Variants in BRINP3 observed in about 807,000 individuals in gnomAD.
BRINP3 encodes the protein BMP/retinoic acid inducible neural specific 3, also known as BMP/retinoic acid-inducible neural-specific protein 3.
Under a neutral mutation model 71.0 loss-of-function variants are expected in BRINP3, and 19 were observed. The observed-to-expected ratio is 0.27, with a 90% CI of 0.19 to 0.39. The LOEUF is 0.39. BRINP3 is among the 10% of genes least tolerant of loss of function. The pLI, the probability that BRINP3 is intolerant of heterozygous loss-of-function variation, is 1.00. For synonymous variants in BRINP3, 380 were observed against 337.7 expected (o/e 1.13, Z -1.37); for missense variants, 959 against 940.8 (o/e 1.02, Z -0.25).
At chr1:190,236,761 A>T (rs949316038) in intron 4 of BRINP3, among the ~76,000 whole-genome samples, 1 of 152,124 alleles carries the variant, frequency 6.6e-6, no homozygotes, top group East Asian at 1.9e-4. Flanking sequence ...GTGACAGCCT[A>T]AGGGCAAAGG....
At chr1:190,129,264 T>G (rs1021432780) in intron 7 of BRINP3, among the ~76,000 whole-genome samples, 2 of 151,790 alleles carry the variant, frequency 1.3e-5, no homozygotes. Context: ...GTTTCCTCTA[T>G]GTAAACCAAT....
chr1:190,334,803 G>C (rs190603184), intron 2 of BRINP3, among the ~76,000 whole-genome samples: 1 of 151,814 alleles, frequency 6.6e-6, no homozygotes, highest in African/African-American at 2.4e-5. Flanking sequence ...AGTGGTTCTT[G>C]CAATATGAAC....
intron 5 of BRINP3, among the ~76,000 whole-genome samples, chr1:190,233,182 A>G (rs1026748805): frequency 6.6e-6 from 1 of 151,942 alleles, no homozygotes; most frequent in Non-Finnish European, 1.5e-5. Context: ...CATGATGTGC[A>G]GTGTCGCATG....
intron 2 of BRINP3, among the ~76,000 whole-genome samples, chr1:190,285,545 A>G (rs1232828074): frequency 2.0e-5 from 3 of 151,940 alleles, no homozygotes; most frequent in Admixed American, 2.0e-4. Flanking sequence ...GTGGCAGTGA[A>G]CCGAGATCAT....
intron 2 of BRINP3, among the ~76,000 whole-genome samples, chr1:190,371,223 G>C (rs1427332615): frequency 6.6e-6 from 1 of 152,002 alleles, no homozygotes; most frequent in Non-Finnish European, 1.5e-5. Flanking sequence ...CCTGTGTTTT[G>C]GCATAATTTC....
chr1:190,260,525 CT>C (rs1224638531), intron 4 of BRINP3, among the ~76,000 whole-genome samples: 1 of 151,480 alleles, frequency 6.6e-6, no homozygotes, highest in Non-Finnish European at 1.5e-5. Flanking sequence ...CTTGGGTATT[CT>C]TAAAGTAAGT....
At chr1:190,352,175 A>C (rs1668431494) in intron 2 of BRINP3, among the ~76,000 whole-genome samples, 1 of 152,076 alleles carries the variant, frequency 6.6e-6, no homozygotes, top group African/African-American at 2.4e-5. Flanking sequence ...GGAAACCATA[A>C]AAGTTTAGAT....
chr1:190,355,802 C>T (rs1668689798), intron 2 of BRINP3, among the ~76,000 whole-genome samples: 2 of 151,896 alleles, frequency 1.3e-5, no homozygotes, highest in South Asian at 4.1e-4. Context: ...GCATAACATG[C>T]CATGCCTTTC....
At chr1:190,281,471 A>G (rs1356606938) in intron 3 of BRINP3, 89 bp downstream of exon 3, 3 of 1,190,208 alleles carry the variant, frequency 2.5e-6, no homozygotes, top group South Asian at 1.4e-5. Context: ...TTCATACTGT[A>G]GCTATCTTGA....
chr1:190,304,237 A>G (rs1032789099), intron 2 of BRINP3, among the ~76,000 whole-genome samples: 2 of 151,866 alleles, frequency 1.3e-5, no homozygotes, highest in Non-Finnish European at 2.9e-5. Context: ...CATCTATAAT[A>G]GAAGAATATC....
At chr1:190,216,774 C>T (rs898091914) in intron 6 of BRINP3, among the ~76,000 whole-genome samples, 3 of 151,842 alleles carry the variant, frequency 2.0e-5, no homozygotes, top group Non-Finnish European at 4.4e-5. Flanking sequence ...TTACTTCCTT[C>T]TTTTTGTATG....
chr1:190,107,365 C>A (rs1652264092), intron 7 of BRINP3, among the ~76,000 whole-genome samples: 1 of 151,858 alleles, frequency 6.6e-6, no homozygotes, highest in South Asian at 2.1e-4. Context: ...ATGTCATGTA[C>A]AATTTCAACT....
intron 2 of BRINP3, among the ~76,000 whole-genome samples, chr1:190,292,362 A>G (rs2102970549): frequency 6.6e-6 from 1 of 152,280 alleles, no homozygotes; most frequent in South Asian, 2.1e-4. Flanking sequence ...TATAAAATAA[A>G]AAAAATGACA....
intron 7 of BRINP3, among the ~76,000 whole-genome samples, chr1:190,134,229 A>G (rs962627783): frequency 2.0e-5 from 3 of 152,080 alleles, no homozygotes; most frequent in African/African-American, 7.2e-5. Context: ...CTGAAAGCCA[A>G]ATGATTAGAA....
At chr1:190,147,642 T>G (rs1478523309) in intron 7 of BRINP3, among the ~76,000 whole-genome samples, 2 of 152,242 alleles carry the variant, frequency 1.3e-5, no homozygotes, top group African/African-American at 4.8e-5. Context: ...ACCTTTCCAG[T>G]GAGGAAAACA....
intron 3 of BRINP3, among the ~76,000 whole-genome samples, chr1:190,277,686 CTTTAA>C (rs1277642977): frequency 6.6e-6 from 1 of 151,602 alleles, no homozygotes; most frequent in Non-Finnish European, 1.5e-5. Context: ...CACAGATACA[CTTTAA>C]TTTTAGTATT....
intron 2 of BRINP3, among the ~76,000 whole-genome samples, chr1:190,319,628 A>G (rs989831455): frequency 1.3e-5 from 2 of 152,228 alleles, no homozygotes; most frequent in Non-Finnish European, 2.9e-5. Flanking sequence ...CATGTCTTAC[A>G]TGGCCCGAGC....
Position 190,265,067 on chromosome 1 carries a change from A to G in BRINP3, c.428-12T>C, listed in dbSNP as rs1164748272. 6.3e-7 allele frequency: 1 copy of G among 1,575,574 alleles called. No individual in the cohort carries two copies. Among genetic ancestry groups the G allele is most frequent in the South Asian group, 1.2e-5 (1 of 84,486 alleles). On this transcript the variant is annotated splice_polypyrimidine_tract_variant and intron_variant, in intron 3 of 7. Transcript: ENST00000367462. ...GAGTGACTCCTCTCCTGCATTAATA[A>G]TATTTCAAATTATTCAATTTTCCAC...
chr1:190,116,852 G>T (rs543024402), intron 7 of BRINP3, among the ~76,000 whole-genome samples: 1 of 151,958 alleles, frequency 6.6e-6, no homozygotes, highest in Admixed American at 6.6e-5. Flanking sequence ...ATGTGACTTA[G>T]AATTTCTGTA....
Sources: gnomAD v4.1 joint callset for allele counts (sites outside exome capture counted in the v4.1 genomes callset) on GRCh38, gnomAD v4.1.1 for gene constraint, MANE v1.5 for transcripts, NCBI Gene and HGNC (gene_info 2026-07-23, HGNC 2026-07-21) for gene names.